LRTM1: variants seen among roughly 807,000 people sequenced by gnomAD.
The protein encoded by LRTM1 is leucine rich repeat transmembrane protein 1.
LRTM1 carries 38 observed loss-of-function variants against 32.4 expected under a neutral mutation model. The ratio of observed to expected loss-of-function variants is 1.17; its 90% CI spans 0.91 to 1.54. The LOEUF is 1.54. Ranked by LOEUF, LRTM1 falls within the 40% of genes most tolerant of loss-of-function variation. The pLI is 0.00. For synonymous variants in LRTM1, 186 were observed against 169.9 expected (o/e 1.09, Z -0.74); for missense variants, 466 against 415.4 (o/e 1.12, Z -1.06).
At chr3:54,936,200 A>G (rs1701324582) in intron 1 of LRTM1, among the ~76,000 whole-genome samples, 1 of 152,192 alleles carries the variant, frequency 6.6e-6, no homozygotes. Context: ...AGTAATATAC[A>G]TTAGCTAGTA....
chr3:54,942,604 A>G (rs1701500053), intron 1 of LRTM1, among the ~76,000 whole-genome samples: 1 of 152,186 alleles, frequency 6.6e-6, no homozygotes, highest in African/African-American at 2.4e-5. Flanking sequence ...AAAAAGAAGC[A>G]GGAGCCAGGC....
chr3:54,960,555 A>G (rs1032629836), intron 1 of LRTM1, among the ~76,000 whole-genome samples: 2 of 152,222 alleles, frequency 1.3e-5, no homozygotes, highest in Non-Finnish European at 2.9e-5. Context: ...CAAGATTATA[A>G]CAAATGCATA....
chr3:54,949,859 C>T (rs1701712620), intron 1 of LRTM1, among the ~76,000 whole-genome samples: 1 of 152,218 alleles, frequency 6.6e-6, no homozygotes, highest in Non-Finnish European at 1.5e-5. Flanking sequence ...ATCTGGCATG[C>T]TGTGCTCTGG....
chr3:54,924,738 TC>T lies in LRTM1; in HGVS notation c.484del (p.Asp162IlefsTer11). 1 of 1,614,108 alleles carries T rather than the reference TC, an allele frequency of 6.2e-7. No homozygotes were observed. Among genetic ancestry groups the T allele is most frequent in the South Asian group, 1.1e-5 (1 of 91,084 alleles). On this transcript the variant is annotated frameshift_variant, in exon 2 of 3. Coordinates refer to ENST00000273286, the MANE Select transcript of LRTM1 (RefSeq NM_020678.4). LOFTEE classifies it high-confidence loss of function. ...AVQQNQLQQL[D>X]RALLESMPSV... ...GGGCATGGATTCCAGGAGCGCTCGA[TC>T]AAGCTGCTGAAGCTGGTTTTGTTGA...
intron 1 of LRTM1, among the ~76,000 whole-genome samples, chr3:54,948,494 G>T (rs1195851422): frequency 6.6e-6 from 1 of 152,210 alleles, no homozygotes; most frequent in East Asian, 1.9e-4. Context: ...ACTAGTATGG[G>T]CAAAGGTAGC....
intron 1 of LRTM1, among the ~76,000 whole-genome samples, chr3:54,952,653 T>C (rs371958522): frequency 4.7e-4 from 71 of 152,336 alleles, no homozygotes; most frequent in African/African-American, 1.7e-3. Context: ...GCTTCTATTC[T>C]GAAGTCAGAA....
intron 2 of LRTM1, among the ~76,000 whole-genome samples, chr3:54,919,841 C>T (rs1196089860): frequency 1.3e-5 from 2 of 152,218 alleles, no homozygotes; most frequent in Admixed American, 6.5e-5. Context: ...ACAGAGGTCA[C>T]GAGTGGATGA....
intron 1 of LRTM1, among the ~76,000 whole-genome samples, chr3:54,962,923 G>A (rs961455655): frequency 4.6e-5 from 7 of 152,096 alleles, no homozygotes; most frequent in African/African-American, 1.7e-4. Flanking sequence ...AAATGAATAC[G>A]ATATGAGAAA....
intron 1 of LRTM1, among the ~76,000 whole-genome samples, chr3:54,962,641 G>C (rs768025042): frequency 6.6e-6 from 1 of 152,234 alleles, no homozygotes; most frequent in Admixed American, 6.5e-5. Flanking sequence ...AGGGTACACA[G>C]CAGTGGTCTT....
In LRTM1 at chr3:54,952,940, T is replaced by C. The variant is rs546733408; in HGVS notation, c.-222+13988A>G. Among the ~76,000 whole-genome samples the C allele has an allele frequency of 8.1e-4, 123 of 152,316 alleles. 1 individual carries two copies. Among genetic ancestry groups the C allele is most frequent in the African/African-American group, 2.7e-3 (114 of 41,572 alleles). ...CAGCAACAAAGGAGGAAACTTTTCA[T>C]AGGGATTTGAAGCCTAATGTTCCTG... On this transcript the variant is annotated intron_variant, in intron 1 of 2. Transcript: ENST00000493075.
chr3:54,927,357 C>T (rs1403096713), intron 1 of LRTM1, among the ~76,000 whole-genome samples: 1 of 152,166 alleles, frequency 6.6e-6, no homozygotes, highest in African/African-American at 2.4e-5. Context: ...TATCAAAGAG[C>T]AAAACCACTG....
At chr3:54,953,914 A>G (rs1251990177) in intron 1 of LRTM1, among the ~76,000 whole-genome samples, 2 of 152,156 alleles carry the variant, frequency 1.3e-5, no homozygotes, top group South Asian at 2.1e-4. Context: ...CGTTTTGCTA[A>G]GTGCTCCATT....
At chr3:54,956,848 A>G (rs1701909555) in intron 1 of LRTM1, among the ~76,000 whole-genome samples, 1 of 152,036 alleles carries the variant, frequency 6.6e-6, no homozygotes, top group Non-Finnish European at 1.5e-5. Flanking sequence ...ATTTTATCTG[A>G]CAGAAAAGAA....
rs146184384 is a variant in LRTM1, at chr3:54,947,976, A to C, written c.-222+18952T>G. On this transcript the variant is annotated intron_variant, in intron 1 of 2. Coordinates refer to the LRTM1 transcript ENST00000493075. The stretch of plus-strand genomic sequence containing the variant: ...ATCTAGCACCAGCTCCTTATTGGCA[A>C]ATGCTAATCTGGAACCACAGATGGG... 2.0e-5 allele frequency among the ~76,000 whole-genome samples: 3 copies of C among 152,242 alleles called. No homozygotes were observed. In the East Asian group the frequency reaches 5.8e-4, roughly 29 times the overall value.
chr3:54,939,923 G>C (rs1215769951), intron 1 of LRTM1, among the ~76,000 whole-genome samples: 1 of 152,230 alleles, frequency 6.6e-6, no homozygotes, highest in Non-Finnish European at 1.5e-5. Context: ...GAAGAAAGTG[G>C]AAGTGGAATG....
At chr3:54,931,365 G>A (rs1416282366), upstream of LRTM1, among the ~76,000 whole-genome samples, 1 of 151,822 alleles carries the variant, frequency 6.6e-6, no homozygotes, top group Non-Finnish European at 1.5e-5. Context: ...TGGATGTGGA[G>A]GCTGATTGAT....
At chr3:54,952,805 A>G (rs1395863955) in intron 1 of LRTM1, among the ~76,000 whole-genome samples, 1 of 152,116 alleles carries the variant, frequency 6.6e-6, no homozygotes, top group Admixed American at 6.5e-5. Flanking sequence ...GGACAATGAC[A>G]ATATCTATCT....
At chr3:54,953,163 C>T (rs1176556803) in intron 1 of LRTM1, among the ~76,000 whole-genome samples, 3 of 152,142 alleles carry the variant, frequency 2.0e-5, no homozygotes. Context: ...GTGCCTGGCA[C>T]TGTGCTAGGC....
chr3:54,925,304 G>T, intron 1 of LRTM1, 89 bp from the exon 2 acceptor site: 1 of 1,098,494 alleles, frequency 9.1e-7, no homozygotes, highest in Non-Finnish European at 1.3e-6. Context: ...CAGGTAATGT[G>T]CTTTCCAGCC....
Sources: allele counts gnomAD v4.1 joint callset (sites outside exome capture counted in the v4.1 genomes callset), GRCh38; gene constraint gnomAD v4.1.1; transcripts MANE v1.5; gene names NCBI Gene and HGNC (gene_info 2026-07-23, HGNC 2026-07-21).